The following TENM2 variants were observed in gnomAD, a reference collection of about 807,000 sequenced individuals.
TENM2 encodes teneurin-2.
A neutral mutation model predicts 245.2 loss-of-function variants in TENM2; 52 were observed. The observed-to-expected ratio is 0.21, with a 90% CI of 0.17 to 0.27. The LOEUF (loss-of-function observed/expected upper bound fraction) is 0.27. Ranked by LOEUF, TENM2 falls within the 10% of genes least tolerant of loss-of-function variation. The probability of loss-of-function intolerance (pLI) is 1.00; values close to 1 mark genes in which losing one functional copy is unlikely to be tolerated. For missense variants in TENM2, 3,046 were observed against 3,666.8 expected (o/e 0.83, Z 4.37); for synonymous variants, 1,363 against 1,438.9 (o/e 0.95, Z 1.19).
chr5:167,498,111 G>A (rs539584178), intron 2 of TENM2, among the ~76,000 whole-genome samples: 1 of 152,240 alleles, frequency 6.6e-6, no homozygotes. Context: ...AGGGCAGGGA[G>A]GGGGTGAGTT....
chr5:167,788,156 A>G (rs1478213130), intron 2 of TENM2, among the ~76,000 whole-genome samples: 1 of 152,196 alleles, frequency 6.6e-6, no homozygotes, highest in Admixed American at 6.5e-5. Context: ...TTGACATCAG[A>G]AAATGGGTTC....
At chr5:167,420,034 G>A (rs779070972) in intron 2 of TENM2, among the ~76,000 whole-genome samples, 13 of 152,238 alleles carry the variant, frequency 8.5e-5, no homozygotes, top group East Asian at 1.9e-4. Flanking sequence ...AATAATAAAC[G>A]AAAAGAAGGC....
the TENM2 span, among the ~76,000 whole-genome samples, chr5:166,986,887 C>T: frequency 6.7e-6 from 1 of 149,760 alleles, no homozygotes; most frequent in East Asian, 2.0e-4. Flanking sequence ...TGCTTGTGGA[C>T]TTAGCAAGAA....
chr5:167,600,361 C>G (rs752087778), intron 2 of TENM2, among the ~76,000 whole-genome samples: 19 of 151,910 alleles, frequency 1.3e-4, no homozygotes, highest in Non-Finnish European at 2.5e-4. Flanking sequence ...GTGTGATGTA[C>G]TTGCTCTTTT....
intron 2 of TENM2, among the ~76,000 whole-genome samples, chr5:167,740,432 T>C (rs960040043): frequency 1.3e-5 from 2 of 152,206 alleles, no homozygotes; most frequent in Non-Finnish European, 2.9e-5. Flanking sequence ...TTTTGGATTG[T>C]GCAGTCAATT....
At chr5:167,782,882 A>C (rs1764293365) in intron 2 of TENM2, among the ~76,000 whole-genome samples, 1 of 152,214 alleles carries the variant, frequency 6.6e-6, no homozygotes, top group Non-Finnish European at 1.5e-5. Context: ...GTCAGACTCC[A>C]TGAACACAGG....
chr5:167,176,009 T>A, the TENM2 span, among the ~76,000 whole-genome samples: 3 of 152,144 alleles, frequency 2.0e-5, no homozygotes, highest in African/African-American at 7.2e-5. Context: ...CATGCCCAGC[T>A]GTATCTGTGG....
intron 2 of TENM2, among the ~76,000 whole-genome samples, chr5:167,568,645 T>C (rs2127655316): frequency 9.0e-6 from 1 of 111,320 alleles, no homozygotes; most frequent in East Asian, 2.8e-4. Context: ...GCAGAGACCA[T>C]GGTGTGTGTG....
At chr5:168,227,605 A>G (rs990362956) in intron 24 of TENM2, among the ~76,000 whole-genome samples, 3 of 151,418 alleles carry the variant, frequency 2.0e-5, no homozygotes, top group Non-Finnish European at 4.4e-5. Flanking sequence ...GGCAATAGAC[A>G]TCTTTAAATG....
chr5:167,328,730 G>T (rs1757246175), intron 1 of TENM2, among the ~76,000 whole-genome samples: 1 of 151,972 alleles, frequency 6.6e-6, no homozygotes, highest in African/African-American at 2.4e-5. Context: ...ACTTCCTTTA[G>T]CTCTTGGCTG....
intron 2 of TENM2, among the ~76,000 whole-genome samples, chr5:167,440,776 T>C (rs1350271196): frequency 2.0e-5 from 3 of 152,164 alleles, no homozygotes. Context: ...CTTTCTTTTC[T>C]CCTTTTTCCT....
At chr5:168,258,177 T>A (rs985305914) in intron 27 of TENM2, among the ~76,000 whole-genome samples, 6 of 152,140 alleles carry the variant, frequency 3.9e-5, no homozygotes, top group Admixed American at 6.5e-5. Flanking sequence ...TGTGCAGGAA[T>A]GTTTATAGCA....
rs549090024 is a variant in TENM2 at position 168,237,348 on chromosome 5, G to A, written c.5521-7072G>A. The stretch of plus-strand genomic sequence containing the variant: ...ATATTTTCTATTCCTGATTTTCCAC[G>A]TTGGAACTTTAGATCATCAGAGTTA... On this transcript the variant is annotated intron_variant, in intron 25 of 28. Coordinates refer to ENST00000518659, the Ensembl canonical transcript of TENM2. Among the ~76,000 whole-genome samples, 64 of 151,970 alleles carry A rather than the reference G, an allele frequency of 4.2e-4. 1 individual carries two copies. The highest frequency in any genetic ancestry group is 2.1e-4 in the South Asian group (1 of 4,818).
chr5:167,108,406 G>C, the TENM2 span, among the ~76,000 whole-genome samples: 4 of 152,130 alleles, frequency 2.6e-5, no homozygotes, highest in African/African-American at 9.7e-5. Flanking sequence ...GATTACAGGC[G>C]TGAGTCACCG....
intron 1 of TENM2, among the ~76,000 whole-genome samples, chr5:167,302,368 G>A (rs910161657): frequency 3.3e-5 from 5 of 151,798 alleles, no homozygotes; most frequent in African/African-American, 1.2e-4. Context: ...ATGGAGGGTG[G>A]AAGGTTGCTC....
At chr5:168,156,410 G>T (rs941435031) in intron 12 of TENM2, among the ~76,000 whole-genome samples, 4 of 151,734 alleles carry the variant, frequency 2.6e-5, no homozygotes, top group Non-Finnish European at 5.9e-5. Context: ...GTTTTTACTT[G>T]CATTTCCATC....
At chr5:167,538,435 T>G (rs1372053250) in intron 2 of TENM2, among the ~76,000 whole-genome samples, 3 of 152,204 alleles carry the variant, frequency 2.0e-5, no homozygotes, top group Non-Finnish European at 4.4e-5. Flanking sequence ...TGGTGATGTC[T>G]TGATTGGGTA....
chr5:167,490,380 A>G (rs1037210994), intron 2 of TENM2, among the ~76,000 whole-genome samples: 10 of 148,830 alleles, frequency 6.7e-5, no homozygotes, highest in African/African-American at 2.2e-4. Flanking sequence ...AGAGATATTA[A>G]TATCAATATG....
At chr5:167,673,024 C>T (rs1432100779) in intron 2 of TENM2, among the ~76,000 whole-genome samples, 1 of 151,844 alleles carries the variant, frequency 6.6e-6, no homozygotes. Flanking sequence ...CAAAACACAC[C>T]CAGAATTCCA....
Sources: gnomAD v4.1 joint callset for allele counts (sites outside exome capture counted in the v4.1 genomes callset) on GRCh38, gnomAD v4.1.1 for gene constraint, MANE v1.5 for transcripts, NCBI Gene and HGNC (gene_info 2026-07-23, HGNC 2026-07-21) for gene names.